CNTNAP2: variants seen among roughly 807,000 people sequenced by gnomAD.
The protein encoded by CNTNAP2 is contactin-associated protein-like 2.
Under a neutral mutation model 155.2 loss-of-function variants are expected in CNTNAP2, and 98 were observed. That is an observed-to-expected ratio of 0.63 (90% CI 0.54 to 0.75). CNTNAP2 has a LOEUF of 0.75. Ranked by LOEUF, CNTNAP2 falls within the 30% of genes least tolerant of loss-of-function variation. The pLI is 0.00. For missense variants in CNTNAP2, 1,727 were observed against 1,688.1 expected, an observed-to-expected ratio of 1.02 and a Z score of -0.40; for synonymous variants, 651 against 631.2, an observed-to-expected ratio of 1.03 and a Z score of -0.47.
chr7:146,570,065 T>C (rs1798417621), intron 1 of CNTNAP2, among the ~76,000 whole-genome samples: 1 of 152,200 alleles, frequency 6.6e-6, no homozygotes, highest in Admixed American at 6.5e-5. Context: ...AAATGTGCTT[T>C]TTCTCTAATT....
intron 8 of CNTNAP2, among the ~76,000 whole-genome samples, chr7:147,214,065 C>G (rs144299707): frequency 7.2e-5 from 11 of 152,232 alleles, no homozygotes; most frequent in Admixed American, 3.3e-4. Context: ...CACAGAAAAA[C>G]CCAGAAATAA....
chr7:147,173,077 C>T (rs919168601), intron 8 of CNTNAP2, among the ~76,000 whole-genome samples: 6 of 152,110 alleles, frequency 3.9e-5, no homozygotes, highest in East Asian at 3.9e-4. Context: ...GAAAACACAA[C>T]ATTTACATAG....
rs6967072 is a variant in CNTNAP2 at position 147,866,350 on chromosome 7, T to C, written c.2099-37215T>C. On this transcript the variant is annotated intron_variant, in intron 13 of 23. Coordinates refer to ENST00000361727, the MANE Select transcript of CNTNAP2 (RefSeq NM_014141.6). ...TGTTTTACTTCCAATTTTGTGGTCATTTTTAGAATAAGTGTGATGTGGTGC... is the reference window on the plus strand; with the variant it reads ...TGTTTTACTTCCAATTTTGTGGTCACTTTTAGAATAAGTGTGATGTGGTGC... Among the ~76,000 whole-genome samples the C allele has an allele frequency of 3.2e-4, 49 of 152,040 alleles. 1 individual carries two copies. Among genetic ancestry groups the C allele is most frequent in the African/African-American group, 1.0e-3 (42 of 41,462 alleles).
chr7:148,371,411 T>G (rs960213037), intron 21 of CNTNAP2, among the ~76,000 whole-genome samples: 2 of 152,216 alleles, frequency 1.3e-5, no homozygotes, highest in Non-Finnish European at 2.9e-5. Context: ...GGAAATCATT[T>G]CAGCCTCTCG....
At chr7:148,012,903 G>A (rs1311787076) in intron 15 of CNTNAP2, among the ~76,000 whole-genome samples, 3 of 152,144 alleles carry the variant, frequency 2.0e-5, no homozygotes, top group East Asian at 3.9e-4. Context: ...TGGTGGAGGT[G>A]GAGCTGCTGG....
intron 8 of CNTNAP2, among the ~76,000 whole-genome samples, chr7:147,290,972 G>T (rs1430347231): frequency 2.0e-5 from 3 of 152,046 alleles, no homozygotes; most frequent in Non-Finnish European, 4.4e-5. Context: ...GATCTTAAAA[G>T]TACAATTCAA....
chr7:146,419,715 G>A (rs1795985745), intron 1 of CNTNAP2, among the ~76,000 whole-genome samples: 1 of 151,950 alleles, frequency 6.6e-6, no homozygotes, highest in African/African-American at 2.4e-5. Flanking sequence ...TTAAAAACAG[G>A]TATCATCTCA....
intron 22 of CNTNAP2, among the ~76,000 whole-genome samples, chr7:148,408,717 G>A (rs1585353419): frequency 6.6e-6 from 1 of 152,318 alleles, no homozygotes; most frequent in Middle Eastern, 3.4e-3. Context: ...AAGATAGTCT[G>A]CCGACTTGCA....
intron 1 of CNTNAP2, among the ~76,000 whole-genome samples, chr7:146,277,740 G>A (rs1800186122): frequency 6.6e-6 from 1 of 152,156 alleles, no homozygotes; most frequent in South Asian, 2.1e-4. Context: ...AAAACAGAAA[G>A]TAGTAAACAA....
chr7:148,364,522 T>G (rs1003047838), intron 21 of CNTNAP2, among the ~76,000 whole-genome samples: 2 of 152,120 alleles, frequency 1.3e-5, no homozygotes, highest in Non-Finnish European at 2.9e-5. Context: ...TCAAGGTTTG[T>G]AAATACACCA....
rs796052379 is a variant in CNTNAP2, at chr7:148,147,589, G to A, written c.2653G>A (p.Val885Ile). ...TCTCAACGATGACCAGTGGCACCGG[G>A]TCACTGCAGAGAGGAATGTCAAGCA... ...TPLNDDQWHR[V>I]TAERNVKQAS... The change falls in exon 17 of 24, where the codon GTC becomes ATC. Residue 885 changes from valine (V) to isoleucine (I), a missense_variant. Val to Ile is a conservative substitution (Grantham distance 29). Coordinates refer to ENST00000361727, the MANE Select transcript of CNTNAP2 (RefSeq NM_014141.6). 1.2e-6 allele frequency: 2 copies of A among 1,614,120 alleles called. No homozygotes were observed. Among genetic ancestry groups the A allele is most frequent in the Admixed American group, 1.7e-5 (1 of 60,016 alleles).
In CNTNAP2 at chr7:146,561,976, G is replaced by A. The variant is rs1009968473; in HGVS notation, c.98-212295G>A. On this transcript the variant is annotated intron_variant, in intron 1 of 23. Transcript: ENST00000361727. The stretch of plus-strand genomic sequence containing the variant: ...CAGCTATTTTTTATATTTTTTTAGA[G>A]ATGGGGTTTCACAATGTTGCCCAGG... Among the ~76,000 whole-genome samples the A allele has an allele frequency of 5.3e-5, 8 of 152,050 alleles. No individual in the cohort carries two copies. The East Asian group carries it at 5.8e-4, about 11-fold the overall frequency.
chr7:148,250,404 T>C (rs1209818398), intron 20 of CNTNAP2, among the ~76,000 whole-genome samples: 1 of 152,252 alleles, frequency 6.6e-6, no homozygotes, highest in Non-Finnish European at 1.5e-5. Context: ...ATTTGGGGCT[T>C]TTTGTTCACT....
At chr7:148,381,055 C>T (rs1359225221) in intron 21 of CNTNAP2, among the ~76,000 whole-genome samples, 6 of 152,238 alleles carry the variant, frequency 3.9e-5, no homozygotes, top group East Asian at 1.9e-4. Context: ...GGGGTAAGCA[C>T]GCGGGTGAGT....
At chr7:146,850,995 A>G (rs1242941312) in intron 3 of CNTNAP2, among the ~76,000 whole-genome samples, 2 of 151,876 alleles carry the variant, frequency 1.3e-5, no homozygotes, top group South Asian at 2.1e-4. Context: ...TTTTATTTTT[A>G]TTTTTTTGAA....
intron 13 of CNTNAP2, among the ~76,000 whole-genome samples, chr7:147,797,005 G>C (rs1484416270): frequency 6.6e-6 from 1 of 152,120 alleles, no homozygotes; most frequent in African/African-American, 2.4e-5. Context: ...ATAATCTAAT[G>C]GATAAAGAAT....
At chr7:146,296,463 G>A (rs776508201) in intron 1 of CNTNAP2, among the ~76,000 whole-genome samples, 3 of 152,096 alleles carry the variant, frequency 2.0e-5, no homozygotes, top group Non-Finnish European at 4.4e-5. Flanking sequence ...TTGAGCATCA[G>A]GCAACAGACA....
intron 11 of CNTNAP2, among the ~76,000 whole-genome samples, chr7:147,551,066 T>C (rs1799843849): frequency 6.6e-6 from 1 of 152,190 alleles, no homozygotes; most frequent in Non-Finnish European, 1.5e-5. Context: ...AATTATGATA[T>C]GGTTCTTATG....
chr7:147,306,606 G>A (rs936794354), intron 9 of CNTNAP2, among the ~76,000 whole-genome samples: 1 of 152,210 alleles, frequency 6.6e-6, no homozygotes, highest in African/African-American at 2.4e-5. Context: ...TGGTTTGAAA[G>A]CACATTCTAC....
Sources: gnomAD v4.1 joint callset for allele counts (sites outside exome capture counted in the v4.1 genomes callset) on GRCh38, gnomAD v4.1.1 for gene constraint, MANE v1.5 for transcripts, NCBI Gene and HGNC (gene_info 2026-07-23, HGNC 2026-07-21) for gene names.